MMP15: variants seen among roughly 807,000 people sequenced by gnomAD.
The protein encoded by MMP15 is matrix metalloproteinase-15.
In MMP15, 36 loss-of-function variants were observed where a neutral mutation model predicts 65.0. That is an observed-to-expected ratio of 0.55 (90% CI 0.42 to 0.73). The LOEUF (loss-of-function observed/expected upper bound fraction) is 0.73. Among genes scored for constraint, MMP15 ranks in the 30% least tolerant of loss-of-function variants. MMP15 has a pLI of 0.00. For synonymous variants in MMP15, 428 were observed against 410.2 expected (o/e 1.04, Z -0.52); for missense variants, 870 against 987.8 (o/e 0.88, Z 1.60).
rs1326797308 is a variant in MMP15 at position 58,045,831 on chromosome 16, GA to G, written c.*386del. 1.4e-5 allele frequency: 3 copies of G among 211,708 alleles called. No individual in the cohort carries two copies. Among genetic ancestry groups the G allele is most frequent in the Non-Finnish European group, 2.8e-5 (3 of 106,212 alleles). The allele number at this position is 211,708 out of a possible 1,614,324, so 13.1% of individuals were successfully genotyped here. A position where few individuals can be genotyped will look rare whatever the true frequency, so the allele number is the denominator to read the frequency against. On this transcript the variant is annotated 3_prime_UTR_variant, in exon 10 of 10. Coordinates refer to ENST00000219271, the MANE Select transcript of MMP15 (RefSeq NM_002428.4). ...GCCAGGCTCTCTTTGCCCAGTTGGA[GA>G]CTGTCTGGCCCCCCTGGTCCCCTCC...
intron 1 of MMP15, among the ~76,000 whole-genome samples, chr16:58,032,051 A>G (rs934754835): frequency 2.6e-5 from 4 of 151,796 alleles, no homozygotes; most frequent in African/African-American, 9.7e-5. Flanking sequence ...TATTTTTAGT[A>G]GAGACAGGGT....
At chr16:58,036,069 G>T (rs1696816876) in intron 1 of MMP15, among the ~76,000 whole-genome samples, 1 of 152,230 alleles carries the variant, frequency 6.6e-6, no homozygotes, top group Non-Finnish European at 1.5e-5. Context: ...CTACTGCCCT[G>T]CTGCCTGGGC....
rs1371669766 is a variant in MMP15, at chr16:58,046,516, C to T, written c.*1070C>T. 1 of 152,576 alleles carries T rather than the reference C, an allele frequency of 6.6e-6. No individual in the cohort carries two copies. Among genetic ancestry groups the T allele is most frequent in the Non-Finnish European group, 1.5e-5 (1 of 68,124 alleles). 9.5% of individuals were successfully genotyped at this position (152,576 alleles called of 1,614,324 possible). ...CAGCCGCGCATCAGACTGTGAACCC[C>T]ACGAAGGAGCCCATTGTGGCCTAAG... On this transcript the variant is annotated 3_prime_UTR_variant, in exon 10 of 10. Coordinates refer to ENST00000219271, the MANE Select transcript of MMP15 (RefSeq NM_002428.4).
rs757928804 is a variant in MMP15 at position 58,045,063 on chromosome 16, C to A, written c.1627C>A (p.Arg543=). The part of the protein sequence containing the change: ...KYWKFDNERL[R]MEPGYPKSIL... ...CTGGAAATTCGACAATGAGCGCCTG[C>A]GGATGGAGCCCGGCTACCCCAAGTC... Residue 543 remains arginine (R), a synonymous_variant, in exon 10 of 10, where the codon CGG becomes AGG. Transcript: ENST00000219271. 9.9e-6 allele frequency: 16 copies of A among 1,613,240 alleles called. No individual in the cohort carries two copies. The highest frequency in any genetic ancestry group is 2.7e-5 in the African/African-American group (2 of 74,928).
intron 2 of MMP15, 57 bp from the exon 3 acceptor site, chr16:58,038,209 A>G (rs1959374485): frequency 1.0e-5 from 16 of 1,594,448 alleles, no homozygotes; most frequent in Non-Finnish European, 1.3e-5. Flanking sequence ...CAGTGCCAGA[A>G]CAGGCAGGTG....
Position 58,040,675 on chromosome 16 carries a change from T to A in MMP15, c.887T>A (p.Leu296His). The A allele has an allele frequency of 6.2e-7, 1 of 1,614,150 alleles. No individual in the cohort carries two copies. The highest frequency in any genetic ancestry group is 8.5e-7 in the Non-Finnish European group (1 of 1,180,040). ...VDNFKLPEDD[L>H]RGIQQLYGTP... The stretch of plus-strand genomic sequence containing the variant: ...AACTTCAAGCTGCCCGAGGACGATC[T>A]CCGTGGCATCCAGCAGCTCTACGGT... Residue 296 changes from leucine to histidine, a missense_variant, in exon 5 of 10, where the codon CTC becomes CAC. Physicochemically the swap from Leu to His is moderately conservative, Grantham distance 99. Transcript: ENST00000219271.
intron 5 of MMP15, 39 bp from the exon 6 acceptor site, chr16:58,041,578 G>A (rs1320437197): frequency 6.4e-7 from 1 of 1,558,468 alleles, no homozygotes; most frequent in Non-Finnish European, 8.7e-7. Context: ...TTCTGAGTAG[G>A]AACACAGACC....
In MMP15 at chr16:58,026,109, C is replaced by G; in HGVS notation, c.-242C>G. 1 of 385,452 alleles carries G rather than the reference C, an allele frequency of 2.6e-6. No homozygotes were observed. Among genetic ancestry groups the G allele is most frequent in the Non-Finnish European group, 4.5e-6 (1 of 221,966 alleles). 23.9% of individuals were successfully genotyped at this position (385,452 alleles called of 1,614,324 possible). A position where few individuals can be genotyped will look rare whatever the true frequency, so the allele number is the denominator to read the frequency against. The stretch of plus-strand genomic sequence containing the variant: ...TGGGCGCCGAGGCTGCGGAACCTCG[C>G]CGGGGGCAGCTCCGGTCGGCCCCCT... On this transcript the variant is annotated 5_prime_UTR_variant, in exon 1 of 10. Transcript: ENST00000219271.
chr16:58,034,529 G>A (rs1338316916), intron 1 of MMP15, among the ~76,000 whole-genome samples: 3 of 152,184 alleles, frequency 2.0e-5, no homozygotes, highest in African/African-American at 7.2e-5. Flanking sequence ...GGCACTTGGC[G>A]TTCAGTCACC....
At position 58,045,204 on chromosome 16, in the gene MMP15, G is replaced by A. The variant is rs773941531; in HGVS notation, c.1768G>A (p.Ala590Thr). 12 of 1,594,530 alleles carry A rather than the reference G, an allele frequency of 7.5e-6. No individual in the cohort carries two copies. Among genetic ancestry groups the A allele is most frequent in the Admixed American group, 3.6e-5 (2 of 55,794 alleles). ...HGGAEPGADS[A>T]EGDVGDGDGD... is the part of the protein sequence containing the mutation. ...GGGTGCAGAGCCCGGGGCGGACAGC[G>A]CAGAGGGCGACGTGGGGGATGGGGA... The change falls in exon 10 of 10, where the codon GCA (alanine) becomes ACA (threonine). Residue 590 changes from alanine (A) to threonine (T), a missense_variant. Physicochemically the swap from Ala to Thr is moderately conservative, Grantham distance 58. Transcript: ENST00000219271.
intron 1 of MMP15, among the ~76,000 whole-genome samples, chr16:58,036,334 C>T (rs551257505): frequency 2.6e-5 from 4 of 152,324 alleles, no homozygotes; most frequent in South Asian, 2.1e-4. Flanking sequence ...CTGGCTTGGC[C>T]GTGCAACCTG....
intron 1 of MMP15, among the ~76,000 whole-genome samples, chr16:58,029,518 G>A (rs1411543569): frequency 1.3e-5 from 2 of 152,216 alleles, no homozygotes; most frequent in African/African-American, 4.8e-5. Flanking sequence ...TCAAGACCCA[G>A]AGAGAACTGG....
chr16:58,029,587 C>T (rs1963868657), intron 1 of MMP15, among the ~76,000 whole-genome samples: 1 of 152,218 alleles, frequency 6.6e-6, no homozygotes, highest in Non-Finnish European at 1.5e-5. Flanking sequence ...ACACCCAGCC[C>T]TTGCCATGTT....
At chr16:58,039,793 C>T (rs1419210156) in intron 3 of MMP15, 82 bp from the exon 4 acceptor site, 8 of 1,392,666 alleles carry the variant, frequency 5.7e-6, no homozygotes, top group Non-Finnish European at 5.8e-6. Flanking sequence ...GGTGACCTTG[C>T]GTGCACTCTT....
intron 1 of MMP15, among the ~76,000 whole-genome samples, chr16:58,036,566 G>A (rs1456264582): frequency 6.6e-6 from 1 of 152,216 alleles, no homozygotes; most frequent in Non-Finnish European, 1.5e-5. Context: ...TTTTTCCAAG[G>A]CTGTTTTCCT....
chr16:58,033,181 G>A (rs1386402087), intron 1 of MMP15, among the ~76,000 whole-genome samples: 5 of 152,236 alleles, frequency 3.3e-5, no homozygotes, highest in African/African-American at 1.2e-4. Context: ...CCCAGACCCG[G>A]CCGGAGATGT....
At chr16:58,027,635 G>C (rs1199926760) in intron 1 of MMP15, among the ~76,000 whole-genome samples, 5 of 152,090 alleles carry the variant, frequency 3.3e-5, no homozygotes, top group Non-Finnish European at 7.4e-5. Context: ...CCACCTCTCC[G>C]GGCTGCCTGG....
rs531015768 is a variant in MMP15, at chr16:58,045,395, T to C, written c.1959T>C (p.Gly653=). Residue 653 remains glycine (G), a synonymous_variant, in exon 10 of 10, where the codon GGT becomes GGC. Transcript: ENST00000219271. ...CGCTGGTGCAGATGCAGCGCAAGGG[T>C]GCGCCACGTGTCCTGCTTTACTGCA... ...TYALVQMQRK[G]APRVLLYCKR... The C allele has an allele frequency of 3.5e-5, 55 of 1,577,982 alleles. No individual in the cohort carries two copies. In the African/African-American group the frequency reaches 6.8e-4, roughly 20 times the overall value.
intron 8 of MMP15, 50 bp downstream of exon 8, chr16:58,043,410 C>A: frequency 6.3e-7 from 1 of 1,592,214 alleles, no homozygotes; most frequent in Non-Finnish European, 8.6e-7. Flanking sequence ...TCTAGGCCCC[C>A]CTCAACCTCA....
Sources: allele counts gnomAD v4.1 joint callset (sites outside exome capture counted in the v4.1 genomes callset), GRCh38; gene constraint gnomAD v4.1.1; transcripts MANE v1.5; gene names NCBI Gene and HGNC (gene_info 2026-07-23, HGNC 2026-07-21).